Variants in TNPO2 observed in about 807,000 individuals in gnomAD.
TNPO2 encodes transportin 2.
In TNPO2, 16 loss-of-function variants were observed where a neutral mutation model predicts 111.1. That is an observed-to-expected ratio of 0.14 (90% confidence interval 0.10 to 0.22). The LOEUF (loss-of-function observed/expected upper bound fraction) is 0.22, where lower values mean the gene tolerates loss of function less well. Ranked by LOEUF, TNPO2 falls within the 10% of genes least tolerant of loss-of-function variation. The pLI, the probability that TNPO2 is intolerant of heterozygous loss-of-function variation, is 1.00. For synonymous variants in TNPO2, 481 were observed against 475.8 expected (o/e 1.01, Z -0.14); for missense variants, 530 against 1,173.7 (o/e 0.45, Z 8.01).
At chr19:12,722,581 A>G (rs1198629485) in intron 2 of TNPO2, 10 of 150,200 alleles carry the variant, frequency 6.7e-5, no homozygotes, top group African/African-American at 9.8e-5. Flanking sequence ...AAAAAAAAAA[A>G]AAAAGAAAGA....
At chr19:12,710,493 G>T in intron 13 of TNPO2, 128 bp downstream of exon 13, 1 of 1,108,034 alleles carries the variant, frequency 9.0e-7, no homozygotes, top group Non-Finnish European at 1.3e-6. Flanking sequence ...GGAGAATTGA[G>T]ATCTCAGAGC....
Position 12,706,435 on chromosome 19 carries a change from T to C in TNPO2, c.1497-68A>G. 3 of 1,599,624 alleles carry C rather than the reference T, an allele frequency of 1.9e-6. No homozygotes were observed. The highest frequency in any genetic ancestry group is 2.6e-6 in the Non-Finnish European group (3 of 1,167,570). The stretch of plus-strand genomic sequence containing the variant: ...CAGGTGACACTGGGCCATGGGCAGT[T>C]GGGGAGGGCAACTCAGGATCAGCCA... On this transcript the variant is annotated intron_variant, in intron 14 of 25. Transcript: ENST00000425528. This position sits in a 1 kb window ranked among gnomAD's most constrained non-coding sequence, Gnocchi z 7.0.
rs755828279 is a variant in TNPO2, at chr19:12,706,416, A to T, written c.1497-49T>A. 31 of 1,608,814 alleles carry T rather than the reference A, an allele frequency of 1.9e-5. No homozygotes were observed. The highest frequency in any genetic ancestry group is 1.7e-6 in the Non-Finnish European group (2 of 1,175,640). ...GGGGCTCAGTGGACCATGGCAGGTG[A>T]CACTGGGCCATGGGCAGTTGGGGAG... On this transcript the variant is annotated intron_variant, in intron 14 of 25. Transcript: ENST00000425528. This position sits in a 1 kb window ranked among gnomAD's most constrained non-coding sequence, Gnocchi z 7.0.
In TNPO2 at chr19:12,705,149, T is replaced by G; in HGVS notation, c.2022+91A>C. 1 of 1,329,012 alleles carries G rather than the reference T, an allele frequency of 7.5e-7. No individual in the cohort carries two copies. The highest frequency in any genetic ancestry group is 1.0e-6 in the Non-Finnish European group (1 of 962,694). The allele number at this position is 1,329,012 out of a possible 1,614,324, so 82.3% of individuals were successfully genotyped here. On this transcript the variant is annotated intron_variant, in intron 18 of 25. Coordinates refer to ENST00000425528, the MANE Select transcript of TNPO2 (RefSeq NM_001382241.1). This position sits in a 1 kb window ranked among gnomAD's most constrained non-coding sequence, Gnocchi z 7.2. ...AATTAGAACAGCACCTTTTCCCTGA[T>G]TTCCTTTGGGCACAACCAGGCCCTG... is the stretch of plus-strand genomic sequence containing the variant.
chr19:12,716,490 G>A (rs971114914), intron 5 of TNPO2, among the ~76,000 whole-genome samples: 1 of 152,142 alleles, frequency 6.6e-6, no homozygotes, highest in Non-Finnish European at 1.5e-5. Flanking sequence ...GCTGGGTGTG[G>A]TGGGGGGCAC....
rs1394630215 is a variant in TNPO2, at chr19:12,703,696, A to C, written c.2110+18T>G. 1 of 1,605,410 alleles carries C rather than the reference A, an allele frequency of 6.2e-7. No homozygotes were observed. Among genetic ancestry groups the C allele is most frequent in the Non-Finnish European group, 8.5e-7 (1 of 1,175,688 alleles). On this transcript the variant is annotated intron_variant, in intron 19 of 25. Coordinates refer to ENST00000425528, the MANE Select transcript of TNPO2 (RefSeq NM_001382241.1). ...CCGGGGCTGGGGTCATGGGTTAGGGACAAGGCGAGTGTCGTACCGATACAG... is the reference window on the plus strand; with the variant it reads ...CCGGGGCTGGGGTCATGGGTTAGGGCCAAGGCGAGTGTCGTACCGATACAG...
rs775989389 is a variant in TNPO2 at position 12,702,198 on chromosome 19, G to C, written c.2306-21C>G. On this transcript the variant is annotated intron_variant, in intron 21 of 25. Coordinates refer to ENST00000425528, the MANE Select transcript of TNPO2 (RefSeq NM_001382241.1). The surrounding 1 kb of genome is among the most constrained non-coding windows in gnomAD (Gnocchi z 5.5). ...GCGACCTGCAACCCCGAGCGGCCCC[G>C]GGACGGTACGTGGCGGGGCCTCTGG... The C allele has an allele frequency of 1.9e-6, 3 of 1,605,018 alleles. No individual in the cohort carries two copies. Among genetic ancestry groups the C allele is most frequent in the Non-Finnish European group, 2.6e-6 (3 of 1,174,680 alleles).
In TNPO2 at chr19:12,699,317, G is replaced by C. The variant is rs889857160; in HGVS notation, c.*1947C>G. On this transcript the variant is annotated 3_prime_UTR_variant, in exon 26 of 26. Coordinates refer to ENST00000425528, the MANE Select transcript of TNPO2 (RefSeq NM_001382241.1). ...AATGGACAGACCCGGGAGCCCGCAG[G>C]GGGAAGAGGGTGAGGAGGGAAAGAG... 9.3e-6 allele frequency: 4 copies of C among 429,198 alleles called. No homozygotes were observed. The highest frequency in any genetic ancestry group is 2.6e-5 in the Admixed American group (1 of 39,206). The allele number at this position is 429,198 out of a possible 1,614,324, so 26.6% of individuals were successfully genotyped here.
At position 12,705,219 on chromosome 19, in the gene TNPO2, C is replaced by T; in HGVS notation, c.2022+21G>A. On this transcript the variant is annotated intron_variant, in intron 18 of 25. Coordinates refer to ENST00000425528, the MANE Select transcript of TNPO2 (RefSeq NM_001382241.1). This position sits in a 1 kb window ranked among gnomAD's most constrained non-coding sequence, Gnocchi z 7.2. ...CCACGCAGGCTGCTGGGTGTCATCA[C>T]TGTCCAGGGTCCCCACCCACCTGCA... is the stretch of plus-strand genomic sequence containing the variant. 6.3e-7 allele frequency: 1 copy of T among 1,592,690 alleles called. No individual in the cohort carries two copies. Among genetic ancestry groups the T allele is most frequent in the South Asian group, 1.1e-5 (1 of 87,816 alleles).
chr19:12,720,099 C>T (rs911578712), intron 3 of TNPO2, among the ~76,000 whole-genome samples: 3 of 152,120 alleles, frequency 2.0e-5, no homozygotes, highest in African/African-American at 7.2e-5. Context: ...TCACTGCAAC[C>T]TCCGCCTCCC....
chr19:12,702,955 C>T lies in TNPO2; in HGVS notation c.2210-37G>A, dbSNP rs368544772. 3.3e-5 allele frequency: 52 copies of T among 1,596,702 alleles called. No individual in the cohort carries two copies. The highest frequency in any genetic ancestry group is 2.7e-4 in the African/African-American group (20 of 74,424). On this transcript the variant is annotated intron_variant, in intron 20 of 25. Transcript: ENST00000425528. This position sits in a 1 kb window ranked among gnomAD's most constrained non-coding sequence, Gnocchi z 5.5. Reference sequence around the variant, plus strand: ...CCCAGTCAGAGCCCTGCACAGCCCCCGCCACCCACAGGGGCCAGGGGGCCG... The same window carrying T: ...CCCAGTCAGAGCCCTGCACAGCCCCTGCCACCCACAGGGGCCAGGGGGCCG...
Position 12,715,808 on chromosome 19 carries a change from G to T in TNPO2, c.326-69C>A. The T allele has an allele frequency of 7.9e-7, 1 of 1,270,698 alleles. No individual in the cohort carries two copies. Among genetic ancestry groups the T allele is most frequent in the Non-Finnish European group, 1.1e-6 (1 of 901,362 alleles). 78.7% of individuals were successfully genotyped at this position (1,270,698 alleles called of 1,614,324 possible). On this transcript the variant is annotated intron_variant, in intron 5 of 25. Transcript: ENST00000425528. The surrounding 1 kb of genome is among the most constrained non-coding windows in gnomAD (Gnocchi z 7.1). ...CTGCCTAGCACCTCCCCCTCCCACT[G>T]GACACCCCCAGTGCTGCCTTTCTGT...
At chr19:12,722,113 G>A (rs1189418536) in intron 2 of TNPO2, 2 of 106,394 alleles carry the variant, frequency 1.9e-5, no homozygotes, top group African/African-American at 3.8e-5. Flanking sequence ...AAGCCCCACC[G>A]AAACAGGCCC....
intron 10 of TNPO2, 52 bp from the exon 11 acceptor site, chr19:12,711,665 G>A: frequency 1.9e-6 from 3 of 1,555,898 alleles, no homozygotes; most frequent in African/African-American, 1.4e-5. Context: ...GCAAAAGTTG[G>A]GGGGAGGCAC....
At chr19:12,718,171 ATT>A (rs112380697) in intron 5 of TNPO2, among the ~76,000 whole-genome samples, 3 of 141,864 alleles carry the variant, frequency 2.1e-5, no homozygotes, top group African/African-American at 2.6e-5. Context: ...CGCCCAGCTA[ATT>A]TTTTTTTTTT....
chr19:12,710,362 G>A (rs929835822), intron 13 of TNPO2, among the ~76,000 whole-genome samples: 20 of 152,186 alleles, frequency 1.3e-4, no homozygotes, highest in African/African-American at 4.8e-4. Context: ...TGTGCCTGCT[G>A]TTATTATCAT....
chr19:12,706,158 A>G lies in TNPO2; in HGVS notation c.1668+38T>C. The G allele has an allele frequency of 3.7e-6, 6 of 1,601,488 alleles. No individual in the cohort carries two copies. The highest frequency in any genetic ancestry group is 5.1e-6 in the Non-Finnish European group (6 of 1,173,870). ...ACCAGGTCACTGGATGCCCAGGGGCACGGGGATCGGGAGGCGGGAGCCGCT... is the reference window on the plus strand; with the variant it reads ...ACCAGGTCACTGGATGCCCAGGGGCGCGGGGATCGGGAGGCGGGAGCCGCT... On this transcript the variant is annotated intron_variant, in intron 15 of 25. Coordinates refer to ENST00000425528, the MANE Select transcript of TNPO2 (RefSeq NM_001382241.1). This position sits in a 1 kb window ranked among gnomAD's most constrained non-coding sequence, Gnocchi z 7.0.
chr19:12,711,245 G>C (rs901355794), intron 12 of TNPO2, 51 bp downstream of exon 12: 1 of 1,591,294 alleles, frequency 6.3e-7, no homozygotes, highest in Admixed American at 1.7e-5. Context: ...CCTCCCAAGA[G>C]GGAGTCCAGG....
chr19:12,708,416 G>T (rs994542034), intron 13 of TNPO2, among the ~76,000 whole-genome samples: 2 of 147,698 alleles, frequency 1.4e-5, no homozygotes, highest in Non-Finnish European at 3.0e-5. Context: ...ACAGGCTTAA[G>T]CCACCACACC....
Sources: allele counts gnomAD v4.1 joint callset (sites outside exome capture counted in the v4.1 genomes callset), GRCh38; gene constraint gnomAD v4.1.1; non-coding constraint Gnocchi (gnomAD v3.1); transcripts MANE v1.5; gene names NCBI Gene and HGNC (gene_info 2026-07-23, HGNC 2026-07-21).